Variants in PLCH1 observed in about 807,000 individuals in gnomAD.
PLCH1 encodes 1-phosphatidylinositol 4,5-bisphosphate phosphodiesterase eta-1.
In PLCH1, 60 loss-of-function variants were observed where a neutral mutation model predicts 126.7. The observed-to-expected ratio is 0.47, with a 90% CI of 0.38 to 0.59. The LOEUF (loss-of-function observed/expected upper bound fraction) is 0.59. Ranked by LOEUF, PLCH1 falls within the 20% of genes least tolerant of loss-of-function variation. The pLI is 0.00. For synonymous variants in PLCH1, 719 were observed against 734.9 expected (o/e 0.98, Z 0.35); for missense variants, 1,723 against 2,040.0 (o/e 0.84, Z 2.99).
chr3:155,460,935 T>C (rs956023567), intron 21 of PLCH1, among the ~76,000 whole-genome samples: 13 of 152,136 alleles, frequency 8.5e-5, no homozygotes, highest in African/African-American at 3.1e-4. Context: ...TTTTTAAGAG[T>C]ATACCAGTCT....
intron 11 of PLCH1, among the ~76,000 whole-genome samples, chr3:155,516,385 G>T (rs891796617): frequency 1.3e-5 from 2 of 152,214 alleles, no homozygotes; most frequent in African/African-American, 4.8e-5. Flanking sequence ...ATGGAAAGAA[G>T]GGCTTTCCTG....
At position 155,474,392 on chromosome 3, in the gene PLCH1, A is replaced by C. The variant is rs1039430940; in HGVS notation, c.2938+10964T>G. On this transcript the variant is annotated intron_variant, in intron 21 of 21. Coordinates refer to the PLCH1 transcript ENST00000494598. ...CCACAATGAGATACTATCTCACACCAGTTAGAATGGCAATCATTAGAAAGT... is the reference window on the plus strand; with the variant it reads ...CCACAATGAGATACTATCTCACACCCGTTAGAATGGCAATCATTAGAAAGT... 2.0e-5 allele frequency among the ~76,000 whole-genome samples: 3 copies of C among 150,140 alleles called. 1 individual carries two copies. In the South Asian group the frequency reaches 6.8e-4, roughly 34 times the overall value.
chr3:155,499,233 G>C (rs73011573), intron 14 of PLCH1, among the ~76,000 whole-genome samples: 10 of 152,034 alleles, frequency 6.6e-5, no homozygotes, highest in African/African-American at 2.2e-4. Context: ...GTTTCTTTTC[G>C]ATAGTTAGAT....
chr3:155,492,661 A>T, intron 18 of PLCH1, 68 bp downstream of exon 18: 1 of 1,385,924 alleles, frequency 7.2e-7, no homozygotes, highest in East Asian at 2.5e-5. Flanking sequence ...GACATTTCGG[A>T]TAAAATGTAA....
At chr3:155,569,811 A>G (rs946749740) in intron 6 of PLCH1, among the ~76,000 whole-genome samples, 1 of 152,232 alleles carries the variant, frequency 6.6e-6, no homozygotes, top group Non-Finnish European at 1.5e-5. Flanking sequence ...AACTGGACTC[A>G]GGTAGACTAC....
intron 2 of PLCH1, among the ~76,000 whole-genome samples, chr3:155,686,899 CT>C (rs1744994622): frequency 6.6e-6 from 1 of 152,170 alleles, no homozygotes; most frequent in Non-Finnish European, 1.5e-5. Flanking sequence ...AGTATAACCA[CT>C]CTCTAAAATA....
At position 155,549,963 on chromosome 3, in the gene PLCH1, G is replaced by A. The variant is rs1388851387; in HGVS notation, c.1191-5C>T. 4 of 1,612,802 alleles carry A rather than the reference G, an allele frequency of 2.5e-6. No homozygotes were observed. The highest frequency in any genetic ancestry group is 1.7e-5 in the Admixed American group (1 of 59,864). On this transcript the variant is annotated splice_polypyrimidine_tract_variant and splice_region_variant and intron_variant, in intron 9 of 22. Transcript: ENST00000460012. ...ATAGACAATATAACAGGAAACCTGA[G>A]AAAAGAGCAACACAGTCCAGAGGCG...
intron 1 of PLCH1, among the ~76,000 whole-genome samples, chr3:155,734,567 A>G (rs745862178): frequency 1.3e-5 from 2 of 152,190 alleles, no homozygotes; most frequent in Non-Finnish European, 2.9e-5. Flanking sequence ...AGTATGTCAA[A>G]GAATTATCTT....
At chr3:155,598,358 T>C (rs1733261557) in intron 2 of PLCH1, among the ~76,000 whole-genome samples, 1 of 152,136 alleles carries the variant, frequency 6.6e-6, no homozygotes, top group African/African-American at 2.4e-5. Context: ...ACATTAACCA[T>C]CTCACACGAG....
In PLCH1 at chr3:155,741,933, A is replaced by G. The variant is rs1229325659; in HGVS notation, c.-41+2907T>C. On this transcript the variant is annotated intron_variant, in intron 1 of 22. Transcript: ENST00000460012. Reference sequence around the variant, plus strand: ...GTTTTAGAGTAGAGTTTGTACTTCAAAAATGTAAGCAAATAGGTGCACATA... The same window carrying G: ...GTTTTAGAGTAGAGTTTGTACTTCAGAAATGTAAGCAAATAGGTGCACATA... 8.5e-5 allele frequency among the ~76,000 whole-genome samples: 13 copies of G among 152,274 alleles called. No homozygotes were observed. In the East Asian group the frequency reaches 2.3e-3, roughly 27 times the overall value.
At chr3:155,686,123 C>A (rs545455420) in intron 2 of PLCH1, among the ~76,000 whole-genome samples, 1 of 152,110 alleles carries the variant, frequency 6.6e-6, no homozygotes, top group Non-Finnish European at 1.5e-5. Flanking sequence ...ATCGTGTGTG[C>A]GTGCATGCAT....
chr3:155,568,226 T>A lies in PLCH1; in HGVS notation c.865+5A>T. The A allele has an allele frequency of 8.1e-7, 1 of 1,234,636 alleles. No homozygotes were observed. The highest frequency in any genetic ancestry group is 1.2e-6 in the Non-Finnish European group (1 of 841,380). 76.5% of individuals were successfully genotyped at this position (1,234,636 alleles called of 1,614,324 possible). ...ATGAGAAATAAAGAATATTGGTTAT[T>A]TTACCTTCTATGCCAAGAACATTTT... On this transcript the variant is annotated splice_donor_5th_base_variant and intron_variant, in intron 7 of 22. Coordinates refer to ENST00000460012, the MANE Select transcript of PLCH1 (RefSeq NM_014996.4).
intron 15 of PLCH1, among the ~76,000 whole-genome samples, chr3:155,495,310 T>G (rs529562055): frequency 6.6e-6 from 1 of 152,262 alleles, no homozygotes; most frequent in Non-Finnish European, 1.5e-5. Context: ...TTGGGGGTCA[T>G]AATGGAGTAA....
intron 1 of PLCH1, among the ~76,000 whole-genome samples, chr3:155,711,770 G>A (rs6789127): frequency 6.6e-6 from 1 of 152,094 alleles, no homozygotes; most frequent in East Asian, 1.9e-4. Flanking sequence ...CACACGGCCT[G>A]TTTCAGATCA....
chr3:155,670,672 G>T (rs751541660), intron 2 of PLCH1, among the ~76,000 whole-genome samples: 1 of 151,978 alleles, frequency 6.6e-6, no homozygotes, highest in African/African-American at 2.4e-5. Context: ...TTTCCCTTGG[G>T]CTGTGTAATC....
chr3:155,646,973 C>T (rs1305834608), intron 2 of PLCH1, among the ~76,000 whole-genome samples: 2 of 152,206 alleles, frequency 1.3e-5, no homozygotes, highest in Non-Finnish European at 2.9e-5. Context: ...CAATTCCCCA[C>T]CCCATGGACA....
intron 2 of PLCH1, among the ~76,000 whole-genome samples, chr3:155,621,631 C>T (rs147373931): frequency 4.0e-4 from 61 of 152,062 alleles, no homozygotes; most frequent in African/African-American, 1.3e-3. Flanking sequence ...GTATCAATAG[C>T]CGAATCGATA....
rs141409234 is a variant in PLCH1, at chr3:155,546,339, A to G, written c.1362+3448T>C. On this transcript the variant is annotated intron_variant, in intron 10 of 22. Transcript: ENST00000460012. ...AGGAATCCAACTTACAAGGGACATG[A>G]AAGACCTCTTCAAGAAGAACTACAA... is the stretch of plus-strand genomic sequence containing the variant. Among the ~76,000 whole-genome samples the G allele has an allele frequency of 5.2e-3, 794 of 152,322 alleles. 3 individuals carry two copies. The highest frequency in any genetic ancestry group is 0.018 in the African/African-American group (756 of 41,562).
At position 155,740,139 on chromosome 3, in the gene PLCH1, G is replaced by A. The variant is rs766146668; in HGVS notation, c.-41+4701C>T. On this transcript the variant is annotated intron_variant, in intron 1 of 22. Coordinates refer to ENST00000460012, the MANE Select transcript of PLCH1 (RefSeq NM_014996.4). Reference sequence around the variant, plus strand: ...AAGGTAACCACTGTTGGCTAGGTGCGATGACTCAGGCCTGTAATCCCAGCA... The same window carrying A: ...AAGGTAACCACTGTTGGCTAGGTGCAATGACTCAGGCCTGTAATCCCAGCA... Among the ~76,000 whole-genome samples, 21 of 152,148 alleles carry A rather than the reference G, an allele frequency of 1.4e-4. 1 individual carries two copies. Among genetic ancestry groups the A allele is most frequent in the Non-Finnish European group, 1.0e-4 (7 of 68,024 alleles).
Sources: allele counts gnomAD v4.1 joint callset (sites outside exome capture counted in the v4.1 genomes callset), GRCh38; gene constraint gnomAD v4.1.1; transcripts MANE v1.5; gene names NCBI Gene and HGNC (gene_info 2026-07-23, HGNC 2026-07-21).